MOB3B: variants seen among roughly 807,000 people sequenced by gnomAD.
MOB3B encodes the protein MOB kinase activator 3B.
In MOB3B, 7 loss-of-function variants were observed where a neutral mutation model predicts 18.7. The ratio of observed to expected loss-of-function variants is 0.37; its 90% CI spans 0.21 to 0.70. The LOEUF is 0.70. Ranked by LOEUF, MOB3B falls within the 30% of genes least tolerant of loss-of-function variation. The pLI, the probability that MOB3B is intolerant of heterozygous loss-of-function variation, is 0.52. For missense variants in MOB3B, 253 were observed against 281.3 expected, an observed-to-expected ratio of 0.90 and a Z score of 0.72; for synonymous variants, 111 against 99.9, an observed-to-expected ratio of 1.11 and a Z score of -0.66.
chr9:27,368,294 G>T (rs1821366046), intron 2 of MOB3B, among the ~76,000 whole-genome samples: 1 of 151,086 alleles, frequency 6.6e-6, no homozygotes, highest in African/African-American at 2.4e-5. Flanking sequence ...CCATTCTCCT[G>T]CCTCCTGCTC....
chr9:27,491,141 G>C (rs1286454228), intron 1 of MOB3B, among the ~76,000 whole-genome samples: 3 of 152,052 alleles, frequency 2.0e-5, no homozygotes, highest in African/African-American at 4.8e-5. Flanking sequence ...ATGTAGTTTG[G>C]TTAAAATTAA....
At chr9:27,489,440 G>T (rs1819780491) in intron 1 of MOB3B, among the ~76,000 whole-genome samples, 1 of 152,150 alleles carries the variant, frequency 6.6e-6, no homozygotes, top group Non-Finnish European at 1.5e-5. Context: ...AGTATGGTGG[G>T]AGTTAACTCC....
chr9:27,341,140 C>T (rs182924665), intron 3 of MOB3B, among the ~76,000 whole-genome samples: 20 of 152,276 alleles, frequency 1.3e-4, no homozygotes, highest in Non-Finnish European at 2.2e-4. Context: ...AGGCACTGGC[C>T]GGTGAAGCAG....
At chr9:27,408,105 A>C (rs1012848101) in intron 2 of MOB3B, among the ~76,000 whole-genome samples, 2 of 152,180 alleles carry the variant, frequency 1.3e-5, no homozygotes, top group African/African-American at 4.8e-5. Flanking sequence ...CGAGGCTGAC[A>C]CAGAAGGCTC....
At chr9:27,445,896 C>T (rs901556899) in intron 2 of MOB3B, among the ~76,000 whole-genome samples, 4 of 152,166 alleles carry the variant, frequency 2.6e-5, no homozygotes, top group Admixed American at 6.5e-5. Context: ...GAACACCTGA[C>T]TCTTGGCTGC....
chr9:27,369,346 C>T (rs1370736948), intron 2 of MOB3B, among the ~76,000 whole-genome samples: 1 of 152,190 alleles, frequency 6.6e-6, no homozygotes, highest in Admixed American at 6.5e-5. Flanking sequence ...AACACCAAGT[C>T]TTGTCTTGAA....
At chr9:27,360,461 C>T (rs759061433) in intron 2 of MOB3B, among the ~76,000 whole-genome samples, 10 of 152,176 alleles carry the variant, frequency 6.6e-5, no homozygotes, top group African/African-American at 1.9e-4. Context: ...GCCAAGATTG[C>T]GCCACTGCAC....
At chr9:27,358,859 T>G (rs1369937891) in intron 3 of MOB3B, 175 bp downstream of exon 3, 1 of 772,938 alleles carries the variant, frequency 1.3e-6, no homozygotes, top group Admixed American at 1.7e-5. Flanking sequence ...TTGGTGACAG[T>G]GGACATCTTG....
intron 3 of MOB3B, among the ~76,000 whole-genome samples, chr9:27,353,721 T>C (rs1821143326): frequency 6.6e-6 from 1 of 152,204 alleles, no homozygotes; most frequent in African/African-American, 2.4e-5. Context: ...TAATCAGCTC[T>C]TCATTCACAA....
intron 2 of MOB3B, among the ~76,000 whole-genome samples, chr9:27,433,920 C>A (rs1435776570): frequency 6.6e-6 from 1 of 152,094 alleles, no homozygotes; most frequent in Non-Finnish European, 1.5e-5. Context: ...AAAGAGAAAA[C>A]CACTTGAGCC....
rs563479397 is a variant in MOB3B, at chr9:27,493,998, GA to G, written c.-199+35556del. ...TTTTCTCAGCATGGAACATCCCTGG[GA>G]AAAAGAATACGCACCTGGAGGTATA... On this transcript the variant is annotated intron_variant, in intron 1 of 3. Transcript: ENST00000262244. Among the ~76,000 whole-genome samples, 18 of 152,248 alleles carry G rather than the reference GA, an allele frequency of 1.2e-4. 1 individual carries two copies. The South Asian group carries it at 3.5e-3, about 30-fold the overall frequency.
intron 2 of MOB3B, among the ~76,000 whole-genome samples, chr9:27,433,425 C>T (rs17768864): frequency 0.18 from 27,188 of 152,092 alleles, 2,719 homozygotes; most frequent in Middle Eastern, 0.26. Context: ...AGAGGTGAAA[C>T]TGCTGTCAGA....
intron 1 of MOB3B, among the ~76,000 whole-genome samples, chr9:27,484,684 G>A (rs1819708679): frequency 6.6e-6 from 1 of 152,018 alleles, no homozygotes; most frequent in Admixed American, 6.6e-5. Flanking sequence ...TTTCATGTCT[G>A]CCCACCTCCT....
chr9:27,410,331 G>A (rs569647077), intron 2 of MOB3B, among the ~76,000 whole-genome samples: 52 of 152,290 alleles, frequency 3.4e-4, no homozygotes, highest in African/African-American at 1.2e-3. Context: ...TAAATGCACA[G>A]TCAGGATAGT....
chr9:27,513,162 A>C (rs935930612), intron 1 of MOB3B, among the ~76,000 whole-genome samples: 1 of 152,244 alleles, frequency 6.6e-6, no homozygotes, highest in Non-Finnish European at 1.5e-5. Flanking sequence ...TATCAATGGT[A>C]CTTCTGGAAA....
At chr9:27,524,580 G>T in intron 1 of MOB3B, 1 of 1,614,030 alleles carries the variant, frequency 6.2e-7, no homozygotes, top group Non-Finnish European at 8.5e-7. Context: ...TATGAAGAGG[G>T]ACATCAAGAA....
chr9:27,385,117 G>C (rs970290434), intron 2 of MOB3B, among the ~76,000 whole-genome samples: 9 of 152,188 alleles, frequency 5.9e-5, no homozygotes, highest in African/African-American at 2.2e-4. Flanking sequence ...GGAAGGCAAG[G>C]GGATGAGGAG....
At chr9:27,345,174 CACT>C (rs1472382858) in intron 3 of MOB3B, among the ~76,000 whole-genome samples, 1 of 152,194 alleles carries the variant, frequency 6.6e-6, no homozygotes, top group East Asian at 1.9e-4. Context: ...CACACACAAA[CACT>C]TTGCTTCATA....
intron 3 of MOB3B, among the ~76,000 whole-genome samples, chr9:27,340,798 C>T (rs1338184849): frequency 1.3e-5 from 2 of 152,200 alleles, no homozygotes; most frequent in Admixed American, 1.3e-4. Context: ...CTGCTGCTCC[C>T]CGCTCCTTTC....
Sources: allele counts gnomAD v4.1 joint callset (sites outside exome capture counted in the v4.1 genomes callset), GRCh38; gene constraint gnomAD v4.1.1; transcripts MANE v1.5; gene names NCBI Gene and HGNC (gene_info 2026-07-23, HGNC 2026-07-21).